The following MAGI2 variants were observed in gnomAD, a reference collection of about 807,000 sequenced individuals.
The protein encoded by MAGI2 is membrane-associated guanylate kinase, WW and PDZ domain-containing protein 2.
A neutral mutation model predicts 133.3 loss-of-function variants in MAGI2; 35 were observed. The observed-to-expected ratio is 0.26, with a 90% CI of 0.20 to 0.35. MAGI2 has a LOEUF of 0.35. MAGI2 is among the 10% of genes least tolerant of loss of function. The pLI is 1.00. For synonymous variants in MAGI2, 729 were observed against 710.6 expected (o/e 1.03, Z -0.41); for missense variants, 1,636 against 1,863.4 (o/e 0.88, Z 2.25).
chr7:78,749,544 A>G (rs1399141986), intron 2 of MAGI2, among the ~76,000 whole-genome samples: 7 of 152,200 alleles, frequency 4.6e-5, no homozygotes, highest in African/African-American at 1.7e-4. Context: ...ACATTTAAAC[A>G]TGTCAATGAG....
At chr7:78,481,745 C>T (rs1277472485) in intron 6 of MAGI2, among the ~76,000 whole-genome samples, 2 of 151,758 alleles carry the variant, frequency 1.3e-5, no homozygotes, top group East Asian at 3.9e-4. Context: ...AACTCTTATA[C>T]ATTTAACAAA....
At chr7:78,453,263 A>G (rs965597230) in intron 6 of MAGI2, among the ~76,000 whole-genome samples, 1 of 152,178 alleles carries the variant, frequency 6.6e-6, no homozygotes, top group Admixed American at 6.6e-5. Flanking sequence ...AAATACACAG[A>G]TGGAGAAACT....
chr7:79,269,910 A>G (rs1038007226), intron 1 of MAGI2, among the ~76,000 whole-genome samples: 4 of 152,164 alleles, frequency 2.6e-5, no homozygotes, highest in East Asian at 1.9e-4. Flanking sequence ...ATAAATTTCT[A>G]TAGTTTCCAT....
intron 21 of MAGI2, among the ~76,000 whole-genome samples, chr7:78,022,562 AC>A (rs1177350104): frequency 6.6e-6 from 1 of 152,216 alleles, no homozygotes; most frequent in Non-Finnish European, 1.5e-5. Flanking sequence ...CCAAGATGTT[AC>A]CTTGCAAATA....
At chr7:78,635,392 A>T (rs1291714882) in intron 2 of MAGI2, among the ~76,000 whole-genome samples, 1 of 152,250 alleles carries the variant, frequency 6.6e-6, no homozygotes, top group African/African-American at 2.4e-5. Context: ...TTTTCTTCAA[A>T]AGAGTCACCA....
intron 3 of MAGI2, among the ~76,000 whole-genome samples, chr7:78,572,597 T>A (rs965135862): frequency 6.6e-6 from 1 of 152,172 alleles, no homozygotes; most frequent in African/African-American, 2.4e-5. Flanking sequence ...CCCCCCAGAT[T>A]CCTATCCCTG....
intron 1 of MAGI2, among the ~76,000 whole-genome samples, chr7:79,212,829 G>A (rs1829615550): frequency 6.6e-6 from 1 of 152,048 alleles, no homozygotes; most frequent in South Asian, 2.1e-4. Context: ...ACTCAGCCTG[G>A]TAGTTCTTCC....
chr7:78,791,700 C>T (rs950972931), intron 2 of MAGI2, among the ~76,000 whole-genome samples: 3 of 152,042 alleles, frequency 2.0e-5, no homozygotes, highest in South Asian at 2.1e-4. Context: ...CAGGCACACG[C>T]CACCACGCCT....
At chr7:78,856,812 G>T (rs1464694484) in intron 2 of MAGI2, among the ~76,000 whole-genome samples, 1 of 152,140 alleles carries the variant, frequency 6.6e-6, no homozygotes, top group African/African-American at 2.4e-5. Context: ...GCTTGATGGG[G>T]ATGGCATTGA....
intron 3 of MAGI2, among the ~76,000 whole-genome samples, chr7:78,625,036 C>T (rs1209163793): frequency 6.6e-6 from 1 of 151,938 alleles, no homozygotes; most frequent in Non-Finnish European, 1.5e-5. Context: ...GAAGACCTTC[C>T]AGTGGGACAA....
chr7:78,990,748 A>T (rs1172791572), intron 2 of MAGI2, among the ~76,000 whole-genome samples: 2 of 152,106 alleles, frequency 1.3e-5, no homozygotes, highest in Admixed American at 1.3e-4. Flanking sequence ...CATATATTTG[A>T]AGATAGACCC....
chr7:78,933,720 A>G (rs1800307458), intron 2 of MAGI2, among the ~76,000 whole-genome samples: 2 of 152,138 alleles, frequency 1.3e-5, no homozygotes, highest in Admixed American at 6.6e-5. Context: ...CATGGTTAAA[A>G]TGTGTGGTGG....
At chr7:78,949,328 C>T (rs886989640) in intron 2 of MAGI2, among the ~76,000 whole-genome samples, 1 of 152,028 alleles carries the variant, frequency 6.6e-6, no homozygotes, top group Non-Finnish European at 1.5e-5. Context: ...AATTACAAAC[C>T]AAAACACTGG....
chr7:79,253,551 G>A (rs150020120), intron 1 of MAGI2, among the ~76,000 whole-genome samples: 2,457 of 152,084 alleles, frequency 0.016, 62 homozygotes, highest in African/African-American at 0.056. Context: ...GCTGAGGCAC[G>A]AGAATTACTT....
chr7:78,333,944 A>G (rs1313956562), intron 9 of MAGI2, among the ~76,000 whole-genome samples: 1 of 152,210 alleles, frequency 6.6e-6, no homozygotes, highest in Non-Finnish European at 1.5e-5. Flanking sequence ...ATAGAAAACT[A>G]AACAGGTACT....
intron 6 of MAGI2, among the ~76,000 whole-genome samples, chr7:78,370,094 T>C (rs1793770014): frequency 6.6e-6 from 1 of 152,096 alleles, no homozygotes; most frequent in Non-Finnish European, 1.5e-5. Context: ...AGTTTTATTA[T>C]TATAGCAATA....
chr7:78,631,291 T>C (rs541031371), intron 2 of MAGI2, among the ~76,000 whole-genome samples: 2 of 152,224 alleles, frequency 1.3e-5, no homozygotes, highest in Admixed American at 1.3e-4. Context: ...CTTTATCCCA[T>C]CTCCAAATAT....
chr7:78,141,436 G>A lies in MAGI2; in HGVS notation c.2846-6230C>T, dbSNP rs117595083. 9.8e-3 allele frequency among the ~76,000 whole-genome samples: 1,485 copies of A among 152,172 alleles called. 11 individuals carry two copies. Among genetic ancestry groups the A allele is most frequent in the Middle Eastern group, 0.054 (16 of 294 alleles). On this transcript the variant is annotated intron_variant, in intron 16 of 21. Coordinates refer to ENST00000354212, the MANE Select transcript of MAGI2 (RefSeq NM_012301.4). ...TTCAGATAGATATTGTCCCTTCCTG[G>A]AATATGACAAGGTGTCCTTCAAAAG...
At chr7:79,340,800 T>A (rs963158686) in intron 1 of MAGI2, among the ~76,000 whole-genome samples, 3 of 152,098 alleles carry the variant, frequency 2.0e-5, no homozygotes, top group African/African-American at 4.8e-5. Flanking sequence ...GCTTCATAAC[T>A]CAATAAATCT....
Sources: allele counts gnomAD v4.1 joint callset (sites outside exome capture counted in the v4.1 genomes callset), GRCh38; gene constraint gnomAD v4.1.1; transcripts MANE v1.5; gene names NCBI Gene and HGNC (gene_info 2026-07-23, HGNC 2026-07-21).